The following GSE1 variants were observed in gnomAD, a reference collection of about 807,000 sequenced individuals.
The protein encoded by GSE1 is genetic suppressor element 1.
GSE1 carries 32 observed loss-of-function variants against 112.6 expected under a neutral mutation model. The ratio of observed to expected loss-of-function variants is 0.28; its 90% CI spans 0.21 to 0.38. The LOEUF (loss-of-function observed/expected upper bound fraction) is 0.38. GSE1 is among the 10% of genes least tolerant of loss of function. The pLI is 1.00. For missense variants in GSE1, 2,348 were observed against 1,699.2 expected (o/e 1.38, Z -6.71); for synonymous variants, 1,115 against 735.6 (o/e 1.52, Z -8.35).
At chr16:85,281,664 C>G (rs1264634798) in intron 1 of GSE1, among the ~76,000 whole-genome samples, 1 of 152,166 alleles carries the variant, frequency 6.6e-6, no homozygotes, top group South Asian at 2.1e-4. Flanking sequence ...CAAGTTCCCT[C>G]CTACCTGGTC....
chr16:85,196,007 TC>T (rs1300899626), intron 1 of GSE1, among the ~76,000 whole-genome samples: 1 of 151,842 alleles, frequency 6.6e-6, no homozygotes, highest in East Asian at 1.9e-4. Context: ...CCCAGCGGAG[TC>T]GGGGGCAGCA....
At chr16:85,181,231 C>T (rs1279109529) in intron 1 of GSE1, among the ~76,000 whole-genome samples, 1 of 152,234 alleles carries the variant, frequency 6.6e-6, no homozygotes, top group African/African-American at 2.4e-5. Flanking sequence ...CTCCCTAAAG[C>T]CTTCCCATTT....
chr16:85,184,295 T>TC (rs1459641246), intron 1 of GSE1, among the ~76,000 whole-genome samples: 2 of 152,216 alleles, frequency 1.3e-5, no homozygotes, highest in African/African-American at 4.8e-5. Flanking sequence ...GTGACTCTGC[T>TC]GGTGGCATCT....
At chr16:85,214,253 C>A (rs915769843) in intron 1 of GSE1, among the ~76,000 whole-genome samples, 1 of 151,998 alleles carries the variant, frequency 6.6e-6, no homozygotes, top group Non-Finnish European at 1.5e-5. Context: ...GCCCCCCCAC[C>A]CAGATTCTTG....
chr16:85,185,683 C>G (rs1257801736), intron 1 of GSE1, among the ~76,000 whole-genome samples: 6 of 152,270 alleles, frequency 3.9e-5, no homozygotes, highest in African/African-American at 1.4e-4. Context: ...TCCCCCGTGT[C>G]TGGCTCCCCT....
chr16:85,567,433 G>C (rs191888246), intron 1 of GSE1, among the ~76,000 whole-genome samples: 5 of 152,338 alleles, frequency 3.3e-5, no homozygotes, highest in East Asian at 1.9e-4. Flanking sequence ...GTCCCGAGTC[G>C]TCTGAAGGCT....
Position 85,500,996 on chromosome 16 carries a change from C to CTGTTTTTTTTT in GSE1, c.2465-132916_2465-132906dup, listed in dbSNP as rs1567540337. Among the ~76,000 whole-genome samples, 44 of 90,330 alleles carry CTGTTTTTTTTT rather than the reference C, an allele frequency of 4.9e-4. 1 individual carries two copies. Among genetic ancestry groups the CTGTTTTTTTTT allele is most frequent in the African/African-American group, 2.0e-3 (43 of 21,626 alleles). 59.3% of individuals were successfully genotyped at this position (90,330 alleles called of 152,430 possible). ...CCACCCTACTCCAGTATGGCCTGTTCTGTTTTTTTTTTTTTTTTTTTTTTT... is the reference window on the plus strand; with the variant it reads ...CCACCCTACTCCAGTATGGCCTGTTCTGTTTTTTTTTTGTTTTTTTTTTTTTTTTTTTTTTT... On this transcript the variant is annotated intron_variant, in intron 2 of 2. Transcript: ENST00000637419.
Position 85,224,256 on chromosome 16 carries a change from G to A in GSE1, c.2283+52449G>A, listed in dbSNP as rs968326917. Reference sequence around the variant, plus strand: ...TGAAAAGCGAGAAGGCGAGGGAGGAGGAGGGTTTCATAACCCTTATGAAAC... The same window carrying A: ...TGAAAAGCGAGAAGGCGAGGGAGGAAGAGGGTTTCATAACCCTTATGAAAC... On this transcript the variant is annotated intron_variant, in intron 1 of 2. Transcript: ENST00000637419. Among the ~76,000 whole-genome samples the A allele has an allele frequency of 2.9e-5, 4 of 138,988 alleles. No individual in the cohort carries two copies. The South Asian group carries it at 9.3e-4, about 32-fold the overall frequency. 91.2% of individuals were successfully genotyped at this position (138,988 alleles called of 152,430 possible).
intron 1 of GSE1, among the ~76,000 whole-genome samples, chr16:85,180,456 T>A (rs1395892545): frequency 6.6e-6 from 1 of 152,174 alleles, no homozygotes; most frequent in Non-Finnish European, 1.5e-5. Context: ...TCCCAAGCCC[T>A]CGGGCTCTGA....
At chr16:85,201,911 G>C (rs2075035845) in intron 1 of GSE1, among the ~76,000 whole-genome samples, 1 of 152,228 alleles carries the variant, frequency 6.6e-6, no homozygotes, top group Admixed American at 6.5e-5. Context: ...GGACAAGGAA[G>C]CTAGGGCTTT....
At chr16:85,510,436 C>CTG (rs56930728) in intron 2 of GSE1, among the ~76,000 whole-genome samples, 1 of 151,728 alleles carries the variant, frequency 6.6e-6, no homozygotes, top group South Asian at 2.1e-4. Context: ...GTGTGTGTGT[C>CTG]AGTGTGTGTG....
intron 1 of GSE1, among the ~76,000 whole-genome samples, chr16:85,242,645 G>A (rs1415923537): frequency 6.6e-6 from 1 of 152,216 alleles, no homozygotes; most frequent in Non-Finnish European, 1.5e-5. Flanking sequence ...GCTGGATGGG[G>A]ACTCTGGAAA....
At chr16:85,486,057 A>G (rs1282589994) in intron 2 of GSE1, among the ~76,000 whole-genome samples, 1 of 152,112 alleles carries the variant, frequency 6.6e-6, no homozygotes, top group African/African-American at 2.4e-5. Context: ...AGCTCAGTGC[A>G]GTGAGGGTGC....
chr16:85,257,038 T>G (rs1907158578), intron 1 of GSE1, among the ~76,000 whole-genome samples: 1 of 152,088 alleles, frequency 6.6e-6, no homozygotes, highest in African/African-American at 2.4e-5. Context: ...GGGGAGGACA[T>G]GGGACATAGG....
intron 1 of GSE1, among the ~76,000 whole-genome samples, chr16:85,202,064 G>A (rs1363590297): frequency 1.3e-5 from 2 of 152,210 alleles, no homozygotes; most frequent in South Asian, 2.1e-4. Flanking sequence ...GGGTGGTGGC[G>A]GGCCTTAGCT....
rs754902799 is a variant in GSE1 at position 85,655,884 on chromosome 16, A to G, written c.956A>G (p.His319Arg). ...ELSHSSLAAL[H>R]SERMSGLSAE... is the part of the protein sequence containing the mutation. ...TCCCACTCATCCCTGGCAGCGCTGC[A>G]CTCGGAGCGCATGTCTGGCCTCAGC... The change falls in exon 6 of 16, where the codon CAC (histidine) becomes CGC (arginine). Residue 319 changes from histidine (H) to arginine (R), a missense_variant. By Grantham distance (29) the His-to-Arg change is conservative (BLOSUM62 0). Coordinates refer to ENST00000253458, the MANE Select transcript of GSE1 (RefSeq NM_014615.5). 6.2e-7 allele frequency: 1 copy of G among 1,606,032 alleles called. No homozygotes were observed. The highest frequency in any genetic ancestry group is 8.5e-7 in the Non-Finnish European group (1 of 1,179,728).
chr16:85,224,249 G>GGGAGGA (rs143533050), intron 1 of GSE1, among the ~76,000 whole-genome samples: 1 of 140,464 alleles, frequency 7.1e-6, no homozygotes, highest in African/African-American at 2.7e-5. Context: ...GAGAAGGCGA[G>GGGAGGA]GGAGGAGGAG....
At chr16:85,655,344 C>T (rs1411665687) in intron 5 of GSE1, among the ~76,000 whole-genome samples, 2 of 152,206 alleles carry the variant, frequency 1.3e-5, no homozygotes, top group African/African-American at 4.8e-5. Flanking sequence ...TGTGGTCTGG[C>T]CTGGGTCCGT....
chr16:85,635,440 C>G (rs945038839), intron 2 of GSE1, among the ~76,000 whole-genome samples: 1 of 152,180 alleles, frequency 6.6e-6, no homozygotes, highest in African/African-American at 2.4e-5. Context: ...TGTCAAGAGG[C>G]CGGACAGCTG....
Sources: allele counts gnomAD v4.1 joint callset (sites outside exome capture counted in the v4.1 genomes callset), GRCh38; gene constraint gnomAD v4.1.1; transcripts MANE v1.5; gene names NCBI Gene and HGNC (gene_info 2026-07-23, HGNC 2026-07-21).